ADAD2: variants seen among roughly 807,000 people sequenced by gnomAD.
The protein encoded by ADAD2 is adenosine deaminase domain containing 2.
A neutral mutation model predicts 54.5 loss-of-function variants in ADAD2; 60 were observed. The ratio of observed to expected loss-of-function variants is 1.10; its 90% CI spans 0.89 to 1.36. The LOEUF is 1.36. Among genes scored for constraint, ADAD2 ranks in the 40% most tolerant of loss-of-function variants. The probability of loss-of-function intolerance (pLI) is 0.00; values close to 1 mark genes in which losing one functional copy is unlikely to be tolerated. For synonymous variants in ADAD2, 543 were observed against 366.2 expected (o/e 1.48, Z -5.51); for missense variants, 1,103 against 801.3 (o/e 1.38, Z -4.54).
Position 84,193,977 on chromosome 16 carries a change from G to T in ADAD2, c.419-465G>T, listed in dbSNP as rs371302161. On this transcript the variant is annotated intron_variant, in intron 1 of 9. Transcript: ENST00000315906. The stretch of plus-strand genomic sequence containing the variant: ...TTTTCATCTCTCTTTTGTGTTATAA[G>T]TAACACCCAAAATGATACTGTTTCA... The T allele has an allele frequency of 2.0e-6, 3 of 1,534,972 alleles. No homozygotes were observed. In the African/African-American group the frequency reaches 4.1e-5, roughly 21 times the overall value.
chr16:84,191,649 G>T lies in ADAD2; in HGVS notation c.418+1G>T. 1 of 1,557,192 alleles carries T rather than the reference G, an allele frequency of 6.4e-7. No individual in the cohort carries two copies. The highest frequency in any genetic ancestry group is 1.9e-5 in the Admixed American group (1 of 52,542). On this transcript the variant is annotated splice_donor_variant, in intron 1 of 9. Transcript: ENST00000315906. LOFTEE classifies it high-confidence loss of function. ...CTCTTCCGGGAGGACCAGCCACCAGGTGAGGCCGGGCCGGGGCATGGCTGT... is the reference window on the plus strand; with the variant it reads ...CTCTTCCGGGAGGACCAGCCACCAGTTGAGGCCGGGCCGGGGCATGGCTGT...
At position 84,196,994 on chromosome 16, in the gene ADAD2, G is replaced by T; in HGVS notation, c.*20G>T. On this transcript the variant is annotated 3_prime_UTR_variant, in exon 10 of 10. Coordinates refer to ENST00000315906, the MANE Select transcript of ADAD2 (RefSeq NM_001145400.2). Reference sequence around the variant, plus strand: ...AACTGAAGCCAGCCTCGGCGGGACCGAGGTCCCGGAGCCAAGCTGTACCCC... The same window carrying T: ...AACTGAAGCCAGCCTCGGCGGGACCTAGGTCCCGGAGCCAAGCTGTACCCC... 1 of 1,568,314 alleles carries T rather than the reference G, an allele frequency of 6.4e-7. No homozygotes were observed. Among genetic ancestry groups the T allele is most frequent in the Non-Finnish European group, 8.6e-7 (1 of 1,157,214 alleles).
rs1225738156 is a variant in ADAD2 at position 84,196,374 on chromosome 16, A to G, written c.1526+4A>G. The G allele has an allele frequency of 6.2e-7, 1 of 1,608,906 alleles. No homozygotes were observed. Among genetic ancestry groups the G allele is most frequent in the Non-Finnish European group, 8.5e-7 (1 of 1,177,896 alleles). ...CCACCGGGCGTGTGAAGGCCAAGTG[A>G]GAAGGGCCCCCTGGGGCCGGGCTGT... On this transcript the variant is annotated splice_donor_region_variant and intron_variant, in intron 8 of 9. Transcript: ENST00000315906.
At position 84,195,019 on chromosome 16, in the gene ADAD2, G is replaced by A. The variant is rs765236935; in HGVS notation, c.607+39G>A. ...CCCGGACCCAGGCTTGTAGTGTCGAGGGGAGAGGCGTGGGCCCCCTTCTAC... is the reference window on the plus strand; with the variant it reads ...CCCGGACCCAGGCTTGTAGTGTCGAAGGGAGAGGCGTGGGCCCCCTTCTAC... On this transcript the variant is annotated intron_variant, in intron 3 of 9. Coordinates refer to ENST00000315906, the MANE Select transcript of ADAD2 (RefSeq NM_001145400.2). 6 of 1,612,688 alleles carry A rather than the reference G, an allele frequency of 3.7e-6. No homozygotes were observed. In the South Asian group the frequency reaches 5.5e-5, roughly 15 times the overall value.
Position 84,195,818 on chromosome 16 carries a change from G to GC in ADAD2, c.1062dup (p.Thr355HisfsTer34), listed in dbSNP as rs751691079. On this transcript the variant is annotated frameshift_variant, in exon 7 of 10. Coordinates refer to ENST00000315906, the MANE Select transcript of ADAD2 (RefSeq NM_001145400.2). LOFTEE classifies it high-confidence loss of function. ...TCTGTCCCCACCCGGCCCGCAGCCTGCCCCCCACCTCGGAAGGTGGCCTCC... is the reference window on the plus strand; with the variant it reads ...TCTGTCCCCACCCGGCCCGCAGCCTGCCCCCCCACCTCGGAAGGTGGCCTCC... The GC allele has an allele frequency of 3.1e-6, 5 of 1,602,058 alleles. No homozygotes were observed. Among genetic ancestry groups the GC allele is most frequent in the South Asian group, 2.2e-5 (2 of 90,530 alleles).
intron 8 of ADAD2, 133 bp downstream of exon 8, chr16:84,196,503 T>G: frequency 6.5e-7 from 1 of 1,537,596 alleles, no homozygotes; most frequent in South Asian, 1.2e-5. Flanking sequence ...CCTTCCTAGC[T>G]CCGTAGTGGT....
chr16:84,192,229 C>G (rs1423860365), intron 1 of ADAD2, among the ~76,000 whole-genome samples: 2 of 152,202 alleles, frequency 1.3e-5, no homozygotes, highest in African/African-American at 4.8e-5. Flanking sequence ...ACTGCAGCGT[C>G]CGCCTCCTGG....
chr16:84,194,840 A>G, intron 2 of ADAD2, 93 bp from the exon 3 acceptor site: 1 of 1,401,612 alleles, frequency 7.1e-7, no homozygotes, highest in Non-Finnish European at 9.7e-7. Flanking sequence ...TGTCTGGAAG[A>G]TGAAAACTTC....
At position 84,195,708 on chromosome 16, in the gene ADAD2, C is replaced by T. The variant is rs760289874; in HGVS notation, c.1052+11C>T. The T allele has an allele frequency of 2.4e-5, 37 of 1,533,904 alleles. No homozygotes were observed. The Admixed American group carries it at 2.6e-4, about 11-fold the overall frequency. ...GGCCCGTGACATCTAGTATGCAGGG[C>T]CCCCGGGGCAGGCGGGGGATGGGGC... On this transcript the variant is annotated intron_variant, in intron 6 of 9. Coordinates refer to ENST00000315906, the MANE Select transcript of ADAD2 (RefSeq NM_001145400.2).
chr16:84,192,409 A>G (rs527556935), intron 1 of ADAD2: 11 of 152,610 alleles, frequency 7.2e-5, no homozygotes, highest in African/African-American at 2.6e-4. Context: ...CTGGGCCTCC[A>G]AAGTGCTGAG....
At chr16:84,194,696 G>A in intron 2 of ADAD2, 114 bp downstream of exon 2, 3 of 1,508,302 alleles carry the variant, frequency 2.0e-6, no homozygotes, top group Non-Finnish European at 1.8e-6. Flanking sequence ...GTGGGTTGCT[G>A]TACAAACCAT....
In ADAD2 at chr16:84,191,206, G is replaced by A. The variant is rs1385657583; in HGVS notation, c.-25G>A. 3 of 1,602,094 alleles carry A rather than the reference G, an allele frequency of 1.9e-6. No individual in the cohort carries two copies. The highest frequency in any genetic ancestry group is 1.3e-5 in the African/African-American group (1 of 74,522). On this transcript the variant is annotated 5_prime_UTR_variant, in exon 1 of 10. Transcript: ENST00000315906. Reference sequence around the variant, plus strand: ...CGAGAGCAGCGCGAGATAGGGCCTAGCGCCTCAGATCTTCGTTGGCGGCCA... The same window carrying A: ...CGAGAGCAGCGCGAGATAGGGCCTAACGCCTCAGATCTTCGTTGGCGGCCA...
rs983695805 is a variant in ADAD2 at position 84,194,966 on chromosome 16, C to T, written c.593C>T (p.Ala198Val). 1 of 1,611,646 alleles carries T rather than the reference C, an allele frequency of 6.2e-7. No individual in the cohort carries two copies. The highest frequency in any genetic ancestry group is 8.5e-7 in the Non-Finnish European group (1 of 1,179,224). Residue 198 changes from alanine (A) to valine (V), a missense_variant, in exon 3 of 10, where the codon GCC becomes GTC. By Grantham distance (64) the Ala-to-Val change is moderately conservative (BLOSUM62 0). Transcript: ENST00000315906. Reference protein sequence around the residue: ...SPQTSSRPPLAPLSVENILTH... With the variant: ...SPQTSSRPPLVPLSVENILTH... ...CAGACCTCCAGCCGGCCTCCACTGG[C>T]CCCCCTGAGCGTAGGTAGGTGAGCA...
chr16:84,195,251 A>G (rs2089712150), intron 4 of ADAD2, 45 bp from the exon 5 acceptor site: 1 of 1,611,154 alleles, frequency 6.2e-7, no homozygotes, highest in Non-Finnish European at 8.5e-7. Flanking sequence ...GGCCCCCTCA[A>G]GCTCCTTGCC....
rs1201441513 is a variant in ADAD2 at position 84,191,629 on chromosome 16, C to T, written c.399C>T (p.Phe133=). The T allele has an allele frequency of 3.9e-6, 6 of 1,556,390 alleles. No homozygotes were observed. Among genetic ancestry groups the T allele is most frequent in the South Asian group, 3.5e-5 (3 of 84,642 alleles). The part of the protein sequence containing the change: ...YAASLGIFLL[F]REDQPPGPCF... The stretch of plus-strand genomic sequence containing the variant: ...CCAGCCTGGGCATCTTCCTGCTCTT[C>T]CGGGAGGACCAGCCACCAGGTGAGG... The change falls in exon 1 of 10, where the codon TTC becomes TTT. Residue 133 remains phenylalanine, a synonymous_variant. Transcript: ENST00000315906.
Position 84,195,111 on chromosome 16 carries a change from G to C in ADAD2, c.650G>C (p.Ser217Thr). The C allele has an allele frequency of 6.2e-7, 1 of 1,613,748 alleles. No homozygotes were observed. Among genetic ancestry groups the C allele is most frequent in the Non-Finnish European group, 8.5e-7 (1 of 1,179,994 alleles). ...THEQRCAALV[S>T]AGFDLLLDER... ...GAGCAGCGCTGCGCAGCGTTGGTGA[G>C]CGCCGGCTTTGACCTCCTGTTGGAC... Residue 217 changes from serine to threonine, a missense_variant, in exon 4 of 10, where the codon AGC (serine) becomes ACC (threonine). Physicochemically the swap from Ser to Thr is moderately conservative, Grantham distance 58. Transcript: ENST00000315906.
At chr16:84,195,261 C>G in intron 4 of ADAD2, 35 bp from the exon 5 acceptor site, 2 of 1,611,920 alleles carry the variant, frequency 1.2e-6, no homozygotes, top group Non-Finnish European at 1.7e-6. Flanking sequence ...AGCTCCTTGC[C>G]TTAGGCTGGG....
intron 1 of ADAD2, chr16:84,192,772 G>T (rs2089672134): frequency 6.6e-6 from 1 of 151,786 alleles, no homozygotes; most frequent in Non-Finnish European, 1.5e-5. Context: ...TCAAACTCCT[G>T]ACCTCTAGTG....
rs748566582 is a variant in ADAD2 at position 84,195,941 on chromosome 16, C to T, written c.1179C>T (p.Cys393=). The T allele has an allele frequency of 1.9e-6, 3 of 1,599,480 alleles. No individual in the cohort carries two copies. The African/African-American group carries it at 4.0e-5, about 21-fold the overall frequency. ...APSLCDTHVG[C]LSASDKLARW... ...CGCTCTGTGACACCCACGTGGGCTG[C>T]CTGTCAGCCAGTGACAAGCTGGCAC... The change falls in exon 7 of 10, where the codon TGC becomes TGT. Residue 393 remains cysteine (C), a synonymous_variant. Coordinates refer to ENST00000315906, the MANE Select transcript of ADAD2 (RefSeq NM_001145400.2).
Sources: gnomAD v4.1 joint callset for allele counts (sites outside exome capture counted in the v4.1 genomes callset) on GRCh38, gnomAD v4.1.1 for gene constraint, MANE v1.5 for transcripts, NCBI Gene and HGNC (gene_info 2026-07-23, HGNC 2026-07-21) for gene names.